Variants in CEP350 observed in about 807,000 individuals in gnomAD.
The protein encoded by CEP350 is centrosomal protein 350.
In CEP350, 126 loss-of-function variants were observed where a neutral mutation model predicts 331.8. The ratio of observed to expected loss-of-function variants is 0.38; its 90% CI spans 0.33 to 0.44. The LOEUF is 0.44. CEP350 is among the 20% of genes least tolerant of loss of function. The pLI is 1.00. For missense variants in CEP350, 3,406 were observed against 3,634.6 expected, an observed-to-expected ratio of 0.94 and a Z score of 1.62; for synonymous variants, 1,200 against 1,259.5, an observed-to-expected ratio of 0.95 and a Z score of 1.00.
chr1:180,004,880 TTGCTTGCTTGCTTGCTTG>T (rs1558092901), intron 7 of CEP350, among the ~76,000 whole-genome samples: 302 of 72,642 alleles, frequency 4.2e-3, no homozygotes, highest in South Asian at 0.025. Flanking sequence ...GCTGGCTTGC[TTGCTTGCTTGCTTGCTTG>T]CTTGCTTGCT....
Position 180,048,546 on chromosome 1 carries a change from G to C in CEP350, c.4633G>C (p.Gly1545Arg). 1.2e-6 allele frequency: 2 copies of C among 1,601,568 alleles called. No homozygotes were observed. The highest frequency in any genetic ancestry group is 2.2e-5 in the South Asian group (2 of 89,234). The change falls in exon 22 of 38, where the codon GGT becomes CGT. Residue 1545 changes from glycine (G) to arginine (R), a missense_variant. Transcript: ENST00000367607. The part of the protein sequence containing the change: ...YKNHDRRSSS[G>R]SSRQESPSVP... ...TGTATCCATAAAAAGAAGTAGCAGT[G>C]GTAGCAGCCGCCAAGAAAGTCCTTC...
intron 6 of CEP350, among the ~76,000 whole-genome samples, chr1:180,002,335 A>G (rs1653919986): frequency 1.3e-5 from 2 of 152,048 alleles, no homozygotes; most frequent in South Asian, 2.1e-4. Context: ...TTATCCAGGA[A>G]TGGTGGTGTG....
At chr1:180,042,932 A>T in intron 19 of CEP350, 124 bp from the exon 20 acceptor site, 1 of 976,606 alleles carries the variant, frequency 1.0e-6, no homozygotes, top group Non-Finnish European at 1.5e-6. Context: ...TATTTCATCT[A>T]TTAGTGGCAG....
At chr1:180,015,800 T>C in intron 10 of CEP350, 49 bp from the exon 11 acceptor site, 1 of 1,580,658 alleles carries the variant, frequency 6.3e-7, no homozygotes, top group Non-Finnish European at 8.6e-7. Flanking sequence ...GCTACCTGAA[T>C]ATATCTTTGT....
intron 9 of CEP350, among the ~76,000 whole-genome samples, chr1:180,012,757 A>G (rs1654740591): frequency 6.6e-6 from 1 of 152,236 alleles, no homozygotes. Flanking sequence ...TTTGGCATAT[A>G]GAAGTCAATG....
intron 1 of CEP350, among the ~76,000 whole-genome samples, chr1:179,964,022 G>T (rs1045460608): frequency 6.6e-6 from 1 of 152,092 alleles, no homozygotes; most frequent in African/African-American, 2.4e-5. Context: ...TCTCCTTGTA[G>T]AAATCTTTCA....
chr1:180,016,665 T>TTG (rs1413542967), intron 11 of CEP350, among the ~76,000 whole-genome samples: 1 of 150,004 alleles, frequency 6.7e-6, no homozygotes, highest in Non-Finnish European at 1.5e-5. Context: ...GTTATGTTTT[T>TTG]TTTTTTTTTT....
chr1:179,965,416 T>G (rs537524044), intron 1 of CEP350, among the ~76,000 whole-genome samples: 2 of 152,266 alleles, frequency 1.3e-5, no homozygotes, highest in East Asian at 3.9e-4. Flanking sequence ...GTCCGTTTGG[T>G]CAAGTGTCTA....
rs779467628 is a variant in CEP350 at position 180,093,349 on chromosome 1, A to C, written c.7244A>C (p.Lys2415Thr). The C allele has an allele frequency of 6.2e-7, 1 of 1,600,058 alleles. No individual in the cohort carries two copies. Among genetic ancestry groups the C allele is most frequent in the East Asian group, 2.2e-5 (1 of 44,562 alleles). ...LRKDSQSCRD[K>T]PQPMRSSTSG... is the part of the protein sequence containing the mutation. The stretch of plus-strand genomic sequence containing the variant: ...AAAGACTCTCAGTCTTGCAGAGATA[A>C]GCCACAGCCAATGAGGAGCTCTACA... The change falls in exon 34 of 38, where the codon AAG becomes ACG. Residue 2415 changes from lysine to threonine, a missense_variant. Physicochemically the swap from Lys to Thr is moderately conservative, Grantham distance 78. Around this residue, in one of 5 missense-constraint regions of CEP350, gnomAD observed 1,415 missense variants for 1,512.3 expected, o/e 0.94. Coordinates refer to ENST00000367607, the MANE Select transcript of CEP350 (RefSeq NM_014810.5).
At chr1:180,059,612 T>C (rs928380270) in intron 25 of CEP350, among the ~76,000 whole-genome samples, 2 of 152,100 alleles carry the variant, frequency 1.3e-5, no homozygotes, top group Admixed American at 1.3e-4. Flanking sequence ...GTGCACTTGT[T>C]TGAATTGTGA....
chr1:179,997,753 A>G (rs1399482547), intron 6 of CEP350, among the ~76,000 whole-genome samples: 3 of 152,172 alleles, frequency 2.0e-5, no homozygotes, highest in African/African-American at 7.2e-5. Context: ...CAAAGAACTG[A>G]AAGAATAATG....
intron 27 of CEP350, among the ~76,000 whole-genome samples, chr1:180,072,516 TAA>T (rs1247353070): frequency 6.6e-6 from 1 of 152,186 alleles, no homozygotes; most frequent in African/African-American, 2.4e-5. Flanking sequence ...GGCATCAAAA[TAA>T]GTTTATTGTA....
intron 37 of CEP350, among the ~76,000 whole-genome samples, chr1:180,109,782 C>A (rs151314724): frequency 1.3e-5 from 2 of 152,122 alleles, no homozygotes; most frequent in African/African-American, 4.8e-5. Context: ...ACTACAGGCG[C>A]GTGCCACCAT....
At chr1:179,993,238 TAAAAA>T (rs1206482258) in intron 5 of CEP350, among the ~76,000 whole-genome samples, 2 of 151,582 alleles carry the variant, frequency 1.3e-5, no homozygotes, top group Admixed American at 6.6e-5. Flanking sequence ...AGTTCAGAGT[TAAAAA>T]AAAGAAGGGA....
intron 5 of CEP350, among the ~76,000 whole-genome samples, chr1:179,994,752 C>G (rs776753004): frequency 6.6e-6 from 1 of 152,108 alleles, no homozygotes; most frequent in Non-Finnish European, 1.5e-5. Context: ...CCACACCTGG[C>G]GATCCCATCT....
intron 1 of CEP350, among the ~76,000 whole-genome samples, chr1:179,965,701 A>G (rs374719302): frequency 7.0e-6 from 1 of 143,068 alleles, no homozygotes; most frequent in Non-Finnish European, 1.5e-5. Context: ...GCTTACTGCA[A>G]CCTCCGCCTC....
chr1:180,057,105 T>C (rs1657899881), intron 25 of CEP350, among the ~76,000 whole-genome samples: 2 of 151,644 alleles, frequency 1.3e-5, no homozygotes, highest in South Asian at 4.2e-4. Flanking sequence ...CTTTCTTTTT[T>C]TTTTTTTTTG....
At chr1:180,009,380 G>T (rs1335382057) in intron 8 of CEP350, among the ~76,000 whole-genome samples, 1 of 152,214 alleles carries the variant, frequency 6.6e-6, no homozygotes, top group African/African-American at 2.4e-5. Context: ...AGCATAGTTT[G>T]AAATGAAGCA....
At chr1:179,968,671 A>G (rs1651201345) in intron 1 of CEP350, 1 of 475,760 alleles carries the variant, frequency 2.1e-6, no homozygotes, top group South Asian at 1.6e-5. Flanking sequence ...AACTTTTACA[A>G]TATCCAGAGG....
Sources: allele counts gnomAD v4.1 joint callset (sites outside exome capture counted in the v4.1 genomes callset), GRCh38; gene constraint gnomAD v4.1.1; regional missense constraint gnomAD v4.1.1; transcripts MANE v1.5; gene names NCBI Gene and HGNC (gene_info 2026-07-23, HGNC 2026-07-21).